Variants in SKAP1 observed in about 807,000 individuals in gnomAD.
The protein encoded by SKAP1 is src kinase-associated phosphoprotein 1.
SKAP1 carries 44 observed loss-of-function variants against 58.5 expected under a neutral mutation model. The ratio of observed to expected loss-of-function variants is 0.75; its 90% CI spans 0.59 to 0.97. SKAP1 has a LOEUF of 0.97. Among genes scored for constraint, SKAP1 ranks in the 50% least tolerant of loss-of-function variants. The pLI, the probability that SKAP1 is intolerant of heterozygous loss-of-function variation, is 0.00. For missense variants in SKAP1, 390 were observed against 435.2 expected (o/e 0.90, Z 0.92); for synonymous variants, 127 against 149.7 (o/e 0.85, Z 1.11).
chr17:48,338,443 C>A (rs1486385191), intron 4 of SKAP1, among the ~76,000 whole-genome samples: 2 of 152,140 alleles, frequency 1.3e-5, no homozygotes, highest in African/African-American at 4.8e-5. Context: ...TGAGTCACCG[C>A]GCCTGACCAC....
intron 2 of SKAP1, among the ~76,000 whole-genome samples, chr17:48,369,168 AATAAATAAATAT>A (rs1241802309): frequency 2.0e-5 from 3 of 151,292 alleles, no homozygotes; most frequent in Non-Finnish European, 4.4e-5. Flanking sequence ...TAAATAAATA[AATAAATAAATAT>A]AAAATAAAGA....
chr17:48,177,259 T>G (rs1051834253), intron 9 of SKAP1, among the ~76,000 whole-genome samples: 2 of 152,124 alleles, frequency 1.3e-5, no homozygotes, highest in Non-Finnish European at 2.9e-5. Flanking sequence ...GACCTAACCA[T>G]CCCCAGTTCT....
At chr17:48,137,171 T>C (rs1221655612) in intron 12 of SKAP1, 58 bp downstream of exon 12, 4 of 1,041,012 alleles carry the variant, frequency 3.8e-6, no homozygotes, top group Admixed American at 3.8e-5. Flanking sequence ...AGAAACAAAG[T>C]AGTGGCCCAC....
rs1159733058 is a variant in SKAP1, at chr17:48,372,432, G to A, written c.153-8618C>T. Among the ~76,000 whole-genome samples the A allele has an allele frequency of 3.3e-5, 5 of 151,838 alleles. No homozygotes were observed. The South Asian group carries it at 6.3e-4, about 19-fold the overall frequency. ...AGTGATTCTCCTGCCTCAGCCTCCC[G>A]AGTAGCTGGGATTACAGTCATGTGC... On this transcript the variant is annotated intron_variant, in intron 2 of 12. Transcript: ENST00000336915.
chr17:48,174,552 A>G (rs909893775), intron 9 of SKAP1, among the ~76,000 whole-genome samples: 2 of 152,204 alleles, frequency 1.3e-5, no homozygotes, highest in Non-Finnish European at 2.9e-5. Flanking sequence ...CAACAGAAAA[A>G]AAGTCTTGTT....
chr17:48,329,275 T>C (rs2144258048), intron 4 of SKAP1, among the ~76,000 whole-genome samples: 1 of 152,346 alleles, frequency 6.6e-6, no homozygotes, highest in Middle Eastern at 3.4e-3. Context: ...TAAGAAATTA[T>C]ATAAGTGCCT....
chr17:48,196,211 G>A (rs1021789719), intron 4 of SKAP1, among the ~76,000 whole-genome samples: 5 of 152,184 alleles, frequency 3.3e-5, no homozygotes, highest in African/African-American at 1.2e-4. Flanking sequence ...CTTCAGACAT[G>A]CACAGAAGTG....
At chr17:48,350,717 G>GAAC (rs775470522) in intron 3 of SKAP1, among the ~76,000 whole-genome samples, 69 of 151,722 alleles carry the variant, frequency 4.5e-4, no homozygotes, top group South Asian at 1.0e-3. Context: ...AAACAAAAAA[G>GAAC]AACAACAACA....
intron 4 of SKAP1, among the ~76,000 whole-genome samples, chr17:48,317,576 A>C (rs1767655061): frequency 6.6e-6 from 1 of 152,222 alleles, no homozygotes; most frequent in African/African-American, 2.4e-5. Flanking sequence ...GATATGAATA[A>C]TTTTCATGTA....
At chr17:48,251,191 G>A (rs79183501) in intron 4 of SKAP1, among the ~76,000 whole-genome samples, 3,714 of 152,238 alleles carry the variant, frequency 0.024, 143 homozygotes, top group African/African-American at 0.083. Flanking sequence ...CTGTCTTTAC[G>A]AGAAACAAAG....
At chr17:48,286,969 G>C (rs979934108) in intron 4 of SKAP1, among the ~76,000 whole-genome samples, 1 of 152,084 alleles carries the variant, frequency 6.6e-6, no homozygotes, top group African/African-American at 2.4e-5. Context: ...GCTGGCGCAC[G>C]CCTGTAATCC....
chr17:48,137,192 C>T (rs369814528), intron 12 of SKAP1, 37 bp downstream of exon 12: 2 of 1,330,580 alleles, frequency 1.5e-6, no homozygotes, highest in African/African-American at 2.9e-5. Flanking sequence ...AAGTTCCACT[C>T]AACTATTAGG....
chr17:48,277,599 T>A (rs544975563), intron 4 of SKAP1, among the ~76,000 whole-genome samples: 1 of 152,236 alleles, frequency 6.6e-6, no homozygotes, highest in East Asian at 1.9e-4. Flanking sequence ...AGATTAGCCA[T>A]GAAAAACCAG....
intron 4 of SKAP1, among the ~76,000 whole-genome samples, chr17:48,337,728 T>C (rs979934665): frequency 3.3e-5 from 5 of 152,132 alleles, no homozygotes; most frequent in Admixed American, 2.6e-4. Context: ...CCTAGGAAAA[T>C]AGTAAGAACA....
chr17:48,351,136 T>C (rs1302347922), intron 3 of SKAP1, among the ~76,000 whole-genome samples: 1 of 152,236 alleles, frequency 6.6e-6, no homozygotes, highest in African/African-American at 2.4e-5. Context: ...AAGATATATG[T>C]TGGGTACAGA....
At chr17:48,140,818 A>T in intron 11 of SKAP1, among the ~76,000 whole-genome samples, 1 of 142,828 alleles carries the variant, frequency 7.0e-6, no homozygotes, top group Admixed American at 7.2e-5. Flanking sequence ...GCTCTCTGTT[A>T]CCCAGGCTGC....
chr17:48,246,052 G>T (rs2065293058), intron 4 of SKAP1, among the ~76,000 whole-genome samples: 2 of 152,000 alleles, frequency 1.3e-5, no homozygotes, highest in African/African-American at 4.8e-5. Context: ...TTTCTCAACG[G>T]GTTGCTATAA....
At chr17:48,363,661 A>C (rs553151237) in intron 3 of SKAP1, 128 bp downstream of exon 3, 1 of 730,660 alleles carries the variant, frequency 1.4e-6, no homozygotes, top group East Asian at 2.6e-5. Context: ...TTAATTAAAC[A>C]CTCCACTAAC....
chr17:48,415,801 C>A (rs573551986), intron 1 of SKAP1, among the ~76,000 whole-genome samples: 2 of 152,194 alleles, frequency 1.3e-5, no homozygotes, highest in Admixed American at 6.5e-5. Context: ...CCCAGCCCTG[C>A]TCAATGGAGT....
Sources: allele counts gnomAD v4.1 joint callset (sites outside exome capture counted in the v4.1 genomes callset), GRCh38; gene constraint gnomAD v4.1.1; transcripts MANE v1.5; gene names NCBI Gene and HGNC (gene_info 2026-07-23, HGNC 2026-07-21).